The following SIAE variants were observed in gnomAD, a reference collection of about 807,000 sequenced individuals.
SIAE encodes sialic acid acetylesterase, also known as sialate O-acetylesterase.
Under a neutral mutation model 52.6 loss-of-function variants are expected in SIAE, and 39 were observed. The ratio of observed to expected loss-of-function variants is 0.74; its 90% CI spans 0.57 to 0.97. The LOEUF (loss-of-function observed/expected upper bound fraction) is 0.97. Among genes scored for constraint, SIAE ranks in the 50% least tolerant of loss-of-function variants. The pLI is 0.00. For missense variants in SIAE, 592 were observed against 662.1 expected (o/e 0.89, Z 1.16); for synonymous variants, 233 against 241.4 (o/e 0.97, Z 0.32).
At chr11:124,654,570 C>T in intron 4 of SIAE, 85 bp downstream of exon 4, 1 of 1,611,960 alleles carries the variant, frequency 6.2e-7, no homozygotes, top group Non-Finnish European at 8.5e-7. Context: ...TAAATAGACA[C>T]ATAAGAACCA....
chr11:124,640,857 A>G (rs953362066), intron 7 of SIAE, among the ~76,000 whole-genome samples: 22 of 152,320 alleles, frequency 1.4e-4, no homozygotes, highest in African/African-American at 4.6e-4. Context: ...TGCTATCGCC[A>G]TAAGAAGGAC....
At chr11:124,644,903 T>G (rs1022730357) in intron 7 of SIAE, among the ~76,000 whole-genome samples, 5 of 152,148 alleles carry the variant, frequency 3.3e-5, no homozygotes, top group African/African-American at 4.8e-5. Flanking sequence ...AACTTAGCAC[T>G]TCTATGAAGC....
chr11:124,667,773 T>C (rs1389016859), intron 2 of SIAE, among the ~76,000 whole-genome samples: 1 of 152,132 alleles, frequency 6.6e-6, no homozygotes, highest in East Asian at 1.9e-4. Context: ...TCCCATAACT[T>C]CTAGCTTTGC....
chr11:124,664,389 G>A (rs998977890), intron 2 of SIAE, among the ~76,000 whole-genome samples: 9 of 152,118 alleles, frequency 5.9e-5, no homozygotes, highest in Admixed American at 3.9e-4. Context: ...GCACCACCAC[G>A]CTCAGCTAAT....
chr11:124,669,730 TGATGACCACTA>T (rs1943322950), intron 1 of SIAE: 1 of 561,112 alleles, frequency 1.8e-6, no homozygotes. Flanking sequence ...TCATAGCACA[TGATGACCACTA>T]AGGAAAATTC....
chr11:124,660,395 C>A (rs1190522325), intron 3 of SIAE: 6 of 595,286 alleles, frequency 1.0e-5, no homozygotes, highest in Non-Finnish European at 1.9e-5. Context: ...AAGTTCTTAA[C>A]CTATATAGAA....
chr11:124,674,054 GC>G (rs1943422219), upstream of SIAE: 1 of 285,664 alleles, frequency 3.5e-6, no homozygotes, highest in Non-Finnish European at 6.7e-6. Context: ...GGAGCCCTGG[GC>G]CGTTTGGGAG....
At chr11:124,641,341 A>G (rs1037243340) in intron 7 of SIAE, among the ~76,000 whole-genome samples, 7 of 152,222 alleles carry the variant, frequency 4.6e-5, no homozygotes, top group African/African-American at 1.7e-4. Context: ...AGAAGCATGT[A>G]AGATGCAAAG....
chr11:124,673,865 A>AT, upstream of SIAE: 12 of 633,078 alleles, frequency 1.9e-5, no homozygotes, highest in Admixed American at 3.5e-5. Flanking sequence ...CGGCCGCCGT[A>AT]GTTTTTTTTT....
chr11:124,662,188 G>A (rs868353641), intron 2 of SIAE, among the ~76,000 whole-genome samples: 8 of 152,156 alleles, frequency 5.3e-5, no homozygotes, highest in Non-Finnish European at 7.4e-5. Flanking sequence ...GTAGCCACAC[G>A]TCAACGTATT....
At position 124,647,995 on chromosome 11, in the gene SIAE, C is replaced by T. The variant is rs146234958; in HGVS notation, c.832+71G>A. 1.0e-4 allele frequency: 121 copies of T among 1,167,380 alleles called. No individual in the cohort carries two copies. The East Asian group carries it at 2.7e-3, about 26-fold the overall frequency. 72.3% of individuals were successfully genotyped at this position (1,167,380 alleles called of 1,614,324 possible). A position where few individuals can be genotyped will look rare whatever the true frequency, so the allele number is the denominator to read the frequency against. ...AAGTTATTGTTGCTTTAAGCCACTACGTTCTAGGGTGCTGTGTTATACAGC... is the reference window on the plus strand; with the variant it reads ...AAGTTATTGTTGCTTTAAGCCACTATGTTCTAGGGTGCTGTGTTATACAGC... On this transcript the variant is annotated intron_variant, in intron 6 of 9. Transcript: ENST00000263593.
At chr11:124,648,773 G>A (rs1442859160) in intron 5 of SIAE, among the ~76,000 whole-genome samples, 2 of 152,068 alleles carry the variant, frequency 1.3e-5, no homozygotes, top group Non-Finnish European at 2.9e-5. Context: ...ACACCCTCGG[G>A]ATTATCCCTT....
rs1318904839 is a variant in SIAE at position 124,635,444 on chromosome 11, A to AG, written c.*1506dup. On this transcript the variant is annotated 3_prime_UTR_variant, in exon 10 of 10. Transcript: ENST00000263593. ...ACCAGAACCCCTTGGAACTCTACAG[A>AG]GGGGTAGAACTAAAGCAAAAACCAT... The AG allele has an allele frequency of 6.6e-6, 1 of 152,184 alleles. No homozygotes were observed. Among genetic ancestry groups the AG allele is most frequent in the African/African-American group, 2.4e-5 (1 of 41,432 alleles). 9.4% of individuals were successfully genotyped at this position (152,184 alleles called of 1,614,324 possible).
Position 124,633,154 on chromosome 11 carries a change from T to C in SIAE, c.*3797A>G, listed in dbSNP as rs1016600577. ...TTTAACCTTTGTATTGCACCTCAGA[T>C]AATGTGCTTTTTAGCTCAGTACACT... On this transcript the variant is annotated 3_prime_UTR_variant, in exon 10 of 10. Coordinates refer to ENST00000263593, the MANE Select transcript of SIAE (RefSeq NM_170601.5). The C allele has an allele frequency of 6.6e-6, 1 of 152,230 alleles. No individual in the cohort carries two copies. The highest frequency in any genetic ancestry group is 2.4e-5 in the African/African-American group (1 of 41,452). 9.4% of individuals were successfully genotyped at this position (152,230 alleles called of 1,614,324 possible). A position where few individuals can be genotyped will look rare whatever the true frequency, so the allele number is the denominator to read the frequency against.
At chr11:124,644,768 G>A (rs1051704101) in intron 7 of SIAE, among the ~76,000 whole-genome samples, 1 of 152,120 alleles carries the variant, frequency 6.6e-6, no homozygotes, top group Non-Finnish European at 1.5e-5. Context: ...TTGCTGTTTC[G>A]CTCTCAGGCT....
Position 124,660,787 on chromosome 11 carries a change from C to G in SIAE, c.246G>C (p.Trp82Cys). 6 of 1,614,164 alleles carry G rather than the reference C, an allele frequency of 3.7e-6. No individual in the cohort carries two copies. Among genetic ancestry groups the G allele is most frequent in the Non-Finnish European group, 5.1e-6 (6 of 1,180,016 alleles). The change falls in exon 3 of 10, where the codon TGG (tryptophan) becomes TGC (cysteine). Residue 82 changes from tryptophan (W) to cysteine (C), a missense_variant. Transcript: ENST00000263593. The stretch of plus-strand genomic sequence containing the variant: ...GCTTCATAGGATCCAGTACCACCAT[C>G]CACGTATCAGAGTGAGCTGAAATAG... ...VTSVKAHSDT[W>C]MVVLDPMKPG... is the part of the protein sequence containing the mutation.
Position 124,638,558 on chromosome 11 carries a change from TC to T in SIAE, c.1303del (p.Asp435ThrfsTer22). 1 of 1,614,188 alleles carries T rather than the reference TC, an allele frequency of 6.2e-7. No homozygotes were observed. Among genetic ancestry groups the T allele is most frequent in the Non-Finnish European group, 8.5e-7 (1 of 1,180,022 alleles). Reference protein sequence around the residue: ...YYQQIQVQKKDNKIFEISCCS... With the variant: ...YYQQIQVQKKXNKIFEISCCS... ...TCTTCTCACCTCAAATATCTTGTTG[TC>T]CTTTTTCTGCACCTGGATTTGCTGG... On this transcript the variant is annotated frameshift_variant, in exon 9 of 10. Transcript: ENST00000263593. LOFTEE classifies it low-confidence loss of function (END_TRUNC).
At chr11:124,659,914 A>G (rs1943161626) in intron 3 of SIAE, 3 of 152,518 alleles carry the variant, frequency 2.0e-5, no homozygotes, top group Admixed American at 2.0e-4. Flanking sequence ...AAATTTTTCA[A>G]AAAGAGATGA....
At chr11:124,668,660 A>G (rs1943304577) in intron 2 of SIAE, among the ~76,000 whole-genome samples, 1 of 152,196 alleles carries the variant, frequency 6.6e-6, no homozygotes, top group African/African-American at 2.4e-5. Flanking sequence ...ATAAACTGAG[A>G]CATGGAGATG....
Sources: gnomAD v4.1 joint callset for allele counts (sites outside exome capture counted in the v4.1 genomes callset) on GRCh38, gnomAD v4.1.1 for gene constraint, MANE v1.5 for transcripts, NCBI Gene and HGNC (gene_info 2026-07-23, HGNC 2026-07-21) for gene names.